The following ZFHX4 variants were observed in gnomAD, a reference collection of about 807,000 sequenced individuals.
ZFHX4 encodes the protein zinc finger homeobox 4.
ZFHX4 carries 56 observed loss-of-function variants against 267.6 expected under a neutral mutation model. That is an observed-to-expected ratio of 0.21 (90% CI 0.17 to 0.26). ZFHX4 has a LOEUF of 0.26. Ranked by LOEUF, ZFHX4 falls within the 10% of genes least tolerant of loss-of-function variation. The pLI is 1.00. For synonymous variants in ZFHX4, 1,778 were observed against 1,665.6 expected (o/e 1.07, Z -1.64); for missense variants, 4,332 against 4,420.0 (o/e 0.98, Z 0.56).
intron 3 of ZFHX4, among the ~76,000 whole-genome samples, chr8:76,760,920 C>T (rs1443886683): frequency 7.0e-6 from 1 of 141,884 alleles, no homozygotes; most frequent in Non-Finnish European, 1.5e-5. Context: ...CAGGGCAAGA[C>T]CCTGCCTCAA....
intron 3 of ZFHX4, among the ~76,000 whole-genome samples, chr8:76,756,454 G>A (rs192624518): frequency 6.6e-6 from 1 of 152,032 alleles, no homozygotes; most frequent in South Asian, 2.1e-4. Flanking sequence ...GGGATGGGTG[G>A]GTAGAGGCTC....
At chr8:76,791,840 A>G (rs1810846374) in intron 4 of ZFHX4, among the ~76,000 whole-genome samples, 1 of 152,164 alleles carries the variant, frequency 6.6e-6, no homozygotes, top group Admixed American at 6.6e-5. Context: ...AGTATGTATT[A>G]AAGTTGCACA....
At chr8:76,783,906 T>G (rs1810619093) in intron 4 of ZFHX4, among the ~76,000 whole-genome samples, 1 of 152,060 alleles carries the variant, frequency 6.6e-6, no homozygotes, top group South Asian at 2.1e-4. Context: ...TTTATGTATG[T>G]TTCTCATCTG....
At chr8:76,766,495 A>T (rs1288275583) in intron 3 of ZFHX4, among the ~76,000 whole-genome samples, 1 of 152,120 alleles carries the variant, frequency 6.6e-6, no homozygotes, top group Non-Finnish European at 1.5e-5. Context: ...TTTAAAAAAT[A>T]TCCAATTTCA....
chr8:76,682,330 G>A (rs1807556900), intron 1 of ZFHX4, among the ~76,000 whole-genome samples: 1 of 152,198 alleles, frequency 6.6e-6, no homozygotes, highest in Non-Finnish European at 1.5e-5. Context: ...AGGTCGCTTA[G>A]TGTGCGGGGC....
At position 76,716,242 on chromosome 8, in the gene ZFHX4, A is replaced by G. The variant is rs144104085; in HGVS notation, c.3093+8194A>G. The stretch of plus-strand genomic sequence containing the variant: ...TGGGATATTCAGAAGAATTTTACAA[A>G]AAAAAACCCTCCTGATGCCAGATAA... On this transcript the variant is annotated intron_variant, in intron 3 of 10. Coordinates refer to ENST00000651372, the MANE Select transcript of ZFHX4 (RefSeq NM_024721.5). Among the ~76,000 whole-genome samples, 12 of 152,314 alleles carry G rather than the reference A, an allele frequency of 7.9e-5. 1 individual carries two copies. In the East Asian group the frequency reaches 2.1e-3, roughly 27 times the overall value.
chr8:76,807,013 G>T (rs1011423549), intron 4 of ZFHX4, among the ~76,000 whole-genome samples: 2 of 152,092 alleles, frequency 1.3e-5, no homozygotes, highest in Admixed American at 6.6e-5. Flanking sequence ...GGCATCCTTT[G>T]CCACTTGCTA....
chr8:76,840,004 A>C (rs776736413), intron 5 of ZFHX4, among the ~76,000 whole-genome samples: 2 of 152,160 alleles, frequency 1.3e-5, no homozygotes, highest in Admixed American at 1.3e-4. Flanking sequence ...TCTGACTTAT[A>C]TGAAACTTTA....
Position 76,851,954 on chromosome 8 carries a change from T to C in ZFHX4, c.5033T>C (p.Leu1678Ser), listed in dbSNP as rs555461398. 6.2e-6 allele frequency: 10 copies of C among 1,613,980 alleles called. No individual in the cohort carries two copies. Among genetic ancestry groups the C allele is most frequent in the African/African-American group, 2.7e-5 (2 of 75,048 alleles). The change falls in exon 10 of 11, where the codon TTA becomes TCA. Residue 1678 changes from leucine to serine, a missense_variant. This residue lies in a region of ZFHX4 where 1,371 missense variants were observed against 1,423.1 expected (regional missense o/e 0.96). Transcript: ENST00000651372. ...TTAAATAAAAAGCAAACTCCTGATT[T>C]AATCTCTGCTCAACCTGCACATCAC... ...KELNKKQTPD[L>S]ISAQPAHHPP...
At chr8:76,763,363 C>T (rs1277415383) in intron 3 of ZFHX4, among the ~76,000 whole-genome samples, 23 of 152,188 alleles carry the variant, frequency 1.5e-4, no homozygotes, top group Admixed American at 6.5e-5. Flanking sequence ...TGGCTCATGC[C>T]TGTAATCCCA....
At chr8:76,756,802 A>T (rs1809775987) in intron 3 of ZFHX4, among the ~76,000 whole-genome samples, 1 of 152,094 alleles carries the variant, frequency 6.6e-6, no homozygotes, top group Admixed American at 6.6e-5. Flanking sequence ...TATTGCATGC[A>T]TATTTCTGAT....
At chr8:76,756,407 T>G (rs1809762567) in intron 3 of ZFHX4, among the ~76,000 whole-genome samples, 1 of 152,136 alleles carries the variant, frequency 6.6e-6, no homozygotes, top group African/African-American at 2.4e-5. Flanking sequence ...AAATATCTGA[T>G]TTCTAGAGCA....
At chr8:76,803,955 T>G (rs986709475) in intron 4 of ZFHX4, among the ~76,000 whole-genome samples, 1 of 152,110 alleles carries the variant, frequency 6.6e-6, no homozygotes, top group Non-Finnish European at 1.5e-5. Context: ...TGCATTAACA[T>G]TTGATTATAA....
chr8:76,703,776 T>C (rs1036276294), intron 1 of ZFHX4, among the ~76,000 whole-genome samples: 4 of 152,206 alleles, frequency 2.6e-5, no homozygotes, highest in Admixed American at 6.5e-5. Context: ...CTCAGGATTA[T>C]TGATATAAAT....
rs1215831064 is a variant in ZFHX4 at position 76,863,304 on chromosome 8, A to G, written c.9590A>G (p.Asn3197Ser). 1.2e-6 allele frequency: 2 copies of G among 1,613,324 alleles called. No homozygotes were observed. Among genetic ancestry groups the G allele is most frequent in the East Asian group, 2.2e-5 (1 of 44,818 alleles). The part of the protein sequence containing the change: ...KESEKKQTKP[N>S]KVKKIKEEEL... The stretch of plus-strand genomic sequence containing the variant: ...TCTGAGAAAAAGCAAACTAAGCCAA[A>G]CAAGGTGAAAAAAATCAAAGAGGAG... Residue 3197 changes from asparagine to serine, a missense_variant, in exon 11 of 11, where the codon AAC becomes AGC. Around this residue, in one of 7 missense-constraint regions of ZFHX4, gnomAD observed 1,648 missense variants for 1,625.0 expected, o/e 1.01. Coordinates refer to ENST00000651372, the MANE Select transcript of ZFHX4 (RefSeq NM_024721.5).
At chr8:76,682,115 C>T (rs994132940) in intron 1 of ZFHX4, among the ~76,000 whole-genome samples, 3 of 151,986 alleles carry the variant, frequency 2.0e-5, no homozygotes, top group Non-Finnish European at 4.4e-5. Flanking sequence ...GGTCTCCGCT[C>T]GCCCCGCGCC....
In ZFHX4 at chr8:76,815,428, A is replaced by G. The variant is rs111350476; in HGVS notation, c.3326-17910A>G. 4.4e-3 allele frequency among the ~76,000 whole-genome samples: 668 copies of G among 152,304 alleles called. 7 individuals carry two copies. The highest frequency in any genetic ancestry group is 0.013 in the African/African-American group (542 of 41,568). ...ATGTCTGGTGAGGACCCACTTTCCC[A>G]TAAATGGTACCTTATTGCAGTATCC... On this transcript the variant is annotated intron_variant, in intron 4 of 10. Transcript: ENST00000651372.
At chr8:76,690,383 G>T (rs1242370252) in intron 1 of ZFHX4, among the ~76,000 whole-genome samples, 1 of 151,932 alleles carries the variant, frequency 6.6e-6, no homozygotes, top group African/African-American at 2.4e-5. Context: ...TGGTTATATT[G>T]TTAAAAACAA....
Position 76,863,066 on chromosome 8 carries a change from G to A in ZFHX4, c.9380-28G>A. On this transcript the variant is annotated intron_variant, in intron 10 of 10. Coordinates refer to ENST00000651372, the MANE Select transcript of ZFHX4 (RefSeq NM_024721.5). Reference sequence around the variant, plus strand: ...TCCGATGTTGGTCTGTACATTGACAGTGGCCATCTCTCTGTTGTTGTTTTC... The same window carrying A: ...TCCGATGTTGGTCTGTACATTGACAATGGCCATCTCTCTGTTGTTGTTTTC... 2.0e-6 allele frequency: 3 copies of A among 1,484,252 alleles called. No homozygotes were observed. The South Asian group carries it at 4.2e-5, about 21-fold the overall frequency. 91.9% of individuals were successfully genotyped at this position (1,484,252 alleles called of 1,614,324 possible).
Sources: gnomAD v4.1 joint callset for allele counts (sites outside exome capture counted in the v4.1 genomes callset) on GRCh38, gnomAD v4.1.1 for gene constraint, gnomAD v4.1.1 regional missense constraint, MANE v1.5 for transcripts, NCBI Gene and HGNC (gene_info 2026-07-23, HGNC 2026-07-21) for gene names.